The following GPR21 variants were observed in gnomAD, a reference collection of about 807,000 sequenced individuals.
GPR21 encodes G protein-coupled receptor 21, also known as probable G protein-coupled receptor 21.
A neutral mutation model predicts 21.5 loss-of-function variants in GPR21; 9 were observed. The ratio of observed to expected loss-of-function variants is 0.42; its 90% confidence interval spans 0.25 to 0.73. GPR21 has a LOEUF of 0.73. GPR21 is among the 30% of genes least tolerant of loss of function. GPR21 has a pLI of 0.27. For synonymous variants in GPR21, 169 were observed against 159.3 expected, an observed-to-expected ratio of 1.06 and a Z score of -0.46; for missense variants, 416 against 428.9, an observed-to-expected ratio of 0.97 and a Z score of 0.27.
At chr9:123,038,601 T>C (rs1434552391), downstream of GPR21, among the ~76,000 whole-genome samples, 4 of 152,172 alleles carry the variant, frequency 2.6e-5, no homozygotes, top group Admixed American at 2.6e-4. Flanking sequence ...CAAAATGTAT[T>C]GTTACATGAG....
At chr9:123,040,351 A>G (rs28493936), downstream of GPR21, among the ~76,000 whole-genome samples, 16,568 of 152,124 alleles carry the variant, frequency 0.11, 2,914 homozygotes, top group African/African-American at 0.37. Flanking sequence ...CTATTAGCAG[A>G]TATTTATGGG....
chr9:123,044,928 T>C, the GPR21 span, among the ~76,000 whole-genome samples: 1 of 151,946 alleles, frequency 6.6e-6, no homozygotes, highest in Non-Finnish European at 1.5e-5. Flanking sequence ...ACCCAAAGGA[T>C]CAACAGACTA....
At chr9:123,042,763 A>G in the GPR21 span, among the ~76,000 whole-genome samples, 6 of 152,202 alleles carry the variant, frequency 3.9e-5, no homozygotes, top group Admixed American at 6.5e-5. Context: ...AAAGGAAGAA[A>G]TTAATAAATA....
chr9:123,040,130 A>G (rs1588316462), downstream of GPR21, among the ~76,000 whole-genome samples: 2 of 152,146 alleles, frequency 1.3e-5, no homozygotes, highest in Non-Finnish European at 1.5e-5. Flanking sequence ...TATAGTCTTT[A>G]GGTGTTTCTT....
At chr9:123,039,464 C>T (rs1379302866), downstream of GPR21, among the ~76,000 whole-genome samples, 1 of 152,240 alleles carries the variant, frequency 6.6e-6, no homozygotes, top group African/African-American at 2.4e-5. Flanking sequence ...GTAGTCACAC[C>T]AGCCTTCTCC....
At chr9:123,044,626 C>CGTGTGT in the GPR21 span, among the ~76,000 whole-genome samples, 13,848 of 149,028 alleles carry the variant, frequency 0.093, 2,073 homozygotes, top group African/African-American at 0.32. Flanking sequence ...AACACACGTA[C>CGTGTGT]GTGTGTGTGT....
chr9:123,035,213 G>C lies in GPR21; in HGVS notation c.647G>C (p.Arg216Pro). The change falls in exon 2 of 2, where the codon CGC (arginine) becomes CCC (proline). Residue 216 changes from arginine (R) to proline (P), a missense_variant. Coordinates refer to ENST00000616002, the MANE Select transcript of GPR21 (RefSeq NM_005294.3). Reference protein sequence around the residue: ...IVCFTYFNIFRICQQHTKDIS... With the variant: ...IVCFTYFNIFPICQQHTKDIS... ...TGCTTCACCTATTTCAACATCTTCCGCATCTGCCAACAGCACACAAAGGAT... is the reference window on the plus strand; with the variant it reads ...TGCTTCACCTATTTCAACATCTTCCCCATCTGCCAACAGCACACAAAGGAT... 1.2e-6 allele frequency: 2 copies of C among 1,614,040 alleles called. No homozygotes were observed. The highest frequency in any genetic ancestry group is 1.7e-6 in the Non-Finnish European group (2 of 1,180,004).
chr9:123,038,436 C>A (rs1463394382), downstream of GPR21, among the ~76,000 whole-genome samples: 1 of 152,094 alleles, frequency 6.6e-6, no homozygotes, highest in African/African-American at 2.4e-5. Context: ...GGGTTAGACT[C>A]CCAGATGGCC....
At chr9:123,033,984 G>A (rs1454614447) in intron 1 of GPR21, among the ~76,000 whole-genome samples, 187 bp from the exon 2 acceptor site, 1 of 152,178 alleles carries the variant, frequency 6.6e-6, no homozygotes, top group Non-Finnish European at 1.5e-5. Context: ...GATCTTGAAA[G>A]CTTGATGTTG....
chr9:123,043,031 TGAG>T, the GPR21 span, among the ~76,000 whole-genome samples: 1 of 152,150 alleles, frequency 6.6e-6, no homozygotes, highest in Non-Finnish European at 1.5e-5. Context: ...TTCAGAATTT[TGAG>T]GAGAAGTGAT....
downstream of GPR21, among the ~76,000 whole-genome samples, chr9:123,039,697 A>C (rs377482948): frequency 6.6e-6 from 1 of 152,188 alleles, no homozygotes. Context: ...AGTGCTTTCA[A>C]ATTGCCAGTT....
downstream of GPR21, among the ~76,000 whole-genome samples, chr9:123,039,388 C>T (rs1323929194): frequency 2.0e-5 from 3 of 152,086 alleles, no homozygotes; most frequent in Non-Finnish European, 2.9e-5. Flanking sequence ...TGACCTAGGA[C>T]CTGGCTCAGA....
At chr9:123,045,282 G>C in the GPR21 span, among the ~76,000 whole-genome samples, 1 of 152,114 alleles carries the variant, frequency 6.6e-6, no homozygotes, top group Non-Finnish European at 1.5e-5. Flanking sequence ...AACCTCAACT[G>C]CCAAAGCCAT....
At chr9:123,038,393 GCCCACCT>G (rs1161859414), downstream of GPR21, among the ~76,000 whole-genome samples, 1 of 151,982 alleles carries the variant, frequency 6.6e-6, no homozygotes, top group African/African-American at 2.4e-5. Flanking sequence ...TAAATGCATT[GCCCACCT>G]CCTTGAACTT....
chr9:123,034,557 T>C lies in GPR21; in HGVS notation c.-10T>C, dbSNP rs199876596. On this transcript the variant is annotated 5_prime_UTR_variant, in exon 2 of 2. It removes the in-frame stop codon of an upstream open reading frame in the 5' UTR. Coordinates refer to ENST00000616002, the MANE Select transcript of GPR21 (RefSeq NM_005294.3). ...GCAGCATGAAGTGACAGATCACTCC[T>C]GAGCTCAAGATGAACTCCACCTTGG... 5.2e-4 allele frequency: 824 copies of C among 1,572,666 alleles called. 4 individuals are homozygous for C. The highest frequency in any genetic ancestry group is 4.9e-3 in the South Asian group (418 of 84,694).
chr9:123,038,994 C>T (rs2032814763), downstream of GPR21, among the ~76,000 whole-genome samples: 2 of 152,000 alleles, frequency 1.3e-5, no homozygotes, highest in African/African-American at 4.8e-5. Context: ...ATATTGATCC[C>T]TTCATACCTC....
rs2032563433 is a variant in GPR21 at position 123,035,227 on chromosome 9, C to T, written c.661C>T (p.His221Tyr). The T allele has an allele frequency of 6.2e-7, 1 of 1,614,182 alleles. No homozygotes were observed. Among genetic ancestry groups the T allele is most frequent in the Non-Finnish European group, 8.5e-7 (1 of 1,180,020 alleles). The change falls in exon 2 of 2, where the codon CAC (histidine) becomes TAC (tyrosine). Residue 221 changes from histidine (H) to tyrosine (Y), a missense_variant. Physicochemically the swap from His to Tyr is moderately conservative, Grantham distance 83. Transcript: ENST00000616002. ...CAACATCTTCCGCATCTGCCAACAG[C>T]ACACAAAGGATATCAGCGAAAGGCA... ...YFNIFRICQQ[H>Y]TKDISERQAR...
the GPR21 span, among the ~76,000 whole-genome samples, chr9:123,047,742 A>G: frequency 2.0e-5 from 3 of 152,070 alleles, no homozygotes; most frequent in African/African-American, 7.2e-5. Context: ...CTCAGAATAT[A>G]TACCTGTAGC....
chr9:123,038,703 T>A (rs1349295358), downstream of GPR21, among the ~76,000 whole-genome samples: 1 of 151,840 alleles, frequency 6.6e-6, no homozygotes. Context: ...TTTTGTGTAA[T>A]TTTTTTCATT....
Sources: allele counts gnomAD v4.1 joint callset (sites outside exome capture counted in the v4.1 genomes callset), GRCh38; gene constraint gnomAD v4.1.1; transcripts MANE v1.5; gene names NCBI Gene and HGNC (gene_info 2026-07-23, HGNC 2026-07-21).